Variants in TANK observed in about 807,000 individuals in gnomAD.
The protein encoded by TANK is TRAF family member-associated NF-kappa-B activator.
A neutral mutation model predicts 43.6 loss-of-function variants in TANK; 15 were observed. That is an observed-to-expected ratio of 0.34 (90% CI 0.23 to 0.53). The LOEUF is 0.53. TANK is among the 20% of genes least tolerant of loss of function. The probability of loss-of-function intolerance (pLI) is 0.94; values close to 1 mark genes in which losing one functional copy is unlikely to be tolerated. For missense variants in TANK, 417 were observed against 498.6 expected (o/e 0.84, Z 1.56); for synonymous variants, 162 against 178.2 (o/e 0.91, Z 0.73).
rs190097129 is a variant in TANK at position 161,220,925 on chromosome 2, C to G, written c.328-2990C>G. Among the ~76,000 whole-genome samples, 719 of 152,016 alleles carry G rather than the reference C, an allele frequency of 4.7e-3. 5 individuals are homozygous for G. The highest frequency in any genetic ancestry group is 4.4e-3 in the Non-Finnish European group (300 of 67,936). ...TGAAATATTAACCACTTTTTTTTCT[C>G]CTCCTTAAATATCACTGCATATTCA... On this transcript the variant is annotated intron_variant, in intron 4 of 7. Transcript: ENST00000392749.
intron 4 of TANK, among the ~76,000 whole-genome samples, chr2:161,217,214 C>T (rs1052112058): frequency 6.6e-6 from 1 of 152,154 alleles, no homozygotes; most frequent in Non-Finnish European, 1.5e-5. Context: ...AGGGGCAGCT[C>T]CAATCTCCAT....
At chr2:161,200,199 T>A (rs1686339080) in intron 2 of TANK, 1 of 196,574 alleles carries the variant, frequency 5.1e-6, no homozygotes, top group African/African-American at 2.4e-5. Context: ...TGTACAGAAG[T>A]GTTGACAAGA....
At chr2:161,214,848 T>C (rs1439891199) in intron 4 of TANK, among the ~76,000 whole-genome samples, 1 of 152,192 alleles carries the variant, frequency 6.6e-6, no homozygotes, top group Admixed American at 6.6e-5. Context: ...GAACATCTTA[T>C]TTTCATTGGT....
At chr2:161,168,332 G>C (rs1684786574) in intron 1 of TANK, among the ~76,000 whole-genome samples, 1 of 152,112 alleles carries the variant, frequency 6.6e-6, no homozygotes, top group African/African-American at 2.4e-5. Context: ...CCAGATAGTA[G>C]AAGTCCCAGA....
intron 2 of TANK, among the ~76,000 whole-genome samples, chr2:161,181,618 A>AG (rs1402952789): frequency 6.6e-6 from 1 of 152,094 alleles, no homozygotes; most frequent in South Asian, 2.1e-4. Flanking sequence ...GAGAGCAAGG[A>AG]GGGGGGGATG....
chr2:161,196,050 A>G (rs934835198), intron 2 of TANK, among the ~76,000 whole-genome samples: 3 of 152,110 alleles, frequency 2.0e-5, no homozygotes, highest in Admixed American at 6.6e-5. Flanking sequence ...ACGCTGCTGC[A>G]CTCCAGTGAG....
rs547437105 is a variant in TANK at position 161,172,333 on chromosome 2, T to A, written c.-49-7281T>A. On this transcript the variant is annotated intron_variant, in intron 1 of 7. Transcript: ENST00000392749. ...ATTGCTTTTCTCTATTGTTTTCTTT[T>A]CAAAAATGTAGTTTTTTTCGGCTTT... Among the ~76,000 whole-genome samples, 40 of 150,606 alleles carry A rather than the reference T, an allele frequency of 2.7e-4. 1 individual carries two copies. Among genetic ancestry groups the A allele is most frequent in the Non-Finnish European group, 3.8e-4 (26 of 67,770 alleles).
chr2:161,191,538 TATG>T (rs1385255858), intron 2 of TANK, among the ~76,000 whole-genome samples: 5 of 152,230 alleles, frequency 3.3e-5, no homozygotes, highest in African/African-American at 1.2e-4. Flanking sequence ...GTATAAATCT[TATG>T]AGGAAGTATT....
At chr2:161,166,812 A>C (rs543734308) in intron 1 of TANK, among the ~76,000 whole-genome samples, 6 of 151,968 alleles carry the variant, frequency 3.9e-5, no homozygotes, top group African/African-American at 7.3e-5. Flanking sequence ...AAAACAAAAA[A>C]CAAAACAAAA....
rs545243918 is a variant in TANK, at chr2:161,220,372, G to A, written c.328-3543G>A. Among the ~76,000 whole-genome samples the A allele has an allele frequency of 6.4e-4, 98 of 152,346 alleles. No homozygotes were observed. The Middle Eastern group carries it at 0.014, about 21-fold the overall frequency. On this transcript the variant is annotated intron_variant, in intron 4 of 7. Transcript: ENST00000392749. ...AATCCCAGCACTTTCGGAGGCCGAGGTGGGCAGATTGCCTGAGGTCAGGAG... is the reference window on the plus strand; with the variant it reads ...AATCCCAGCACTTTCGGAGGCCGAGATGGGCAGATTGCCTGAGGTCAGGAG...
At chr2:161,227,789 C>A (rs1687704913) in intron 6 of TANK, among the ~76,000 whole-genome samples, 1 of 152,166 alleles carries the variant, frequency 6.6e-6, no homozygotes, top group Non-Finnish European at 1.5e-5. Flanking sequence ...TTGCAAGTAG[C>A]AAATGTCATC....
intron 1 of TANK, among the ~76,000 whole-genome samples, chr2:161,168,075 A>G (rs1684772894): frequency 6.6e-6 from 1 of 152,178 alleles, no homozygotes; most frequent in Non-Finnish European, 1.5e-5. Context: ...AACGTATGGC[A>G]TTTTATGGCT....
At chr2:161,205,773 TTTG>T (rs926956564) in intron 4 of TANK, among the ~76,000 whole-genome samples, 5 of 152,038 alleles carry the variant, frequency 3.3e-5, no homozygotes, top group Non-Finnish European at 7.4e-5. Context: ...CTTTATGTAG[TTTG>T]TTGTTGTTGT....
chr2:161,216,543 A>G (rs868338886), intron 4 of TANK: 12 of 337,370 alleles, frequency 3.6e-5, no homozygotes, highest in Middle Eastern at 5.3e-4. Context: ...GACATGAAGA[A>G]TATACTAGGT....
At chr2:161,154,010 T>C (rs1374521640) in intron 1 of TANK, among the ~76,000 whole-genome samples, 1 of 152,226 alleles carries the variant, frequency 6.6e-6, no homozygotes, top group African/African-American at 2.4e-5. Flanking sequence ...CCTAGGACTC[T>C]GCCTAGTGAG....
chr2:161,212,063 CTT>C (rs11375138), intron 4 of TANK: 3,195 of 636,536 alleles, frequency 5.0e-3, no homozygotes, highest in Non-Finnish European at 5.7e-3. Context: ...AATACATAAA[CTT>C]TTTTTTTTTT....
intron 5 of TANK, 28 bp from the exon 6 acceptor site, chr2:161,224,603 A>AT: frequency 8.5e-7 from 1 of 1,182,178 alleles, no homozygotes; most frequent in Non-Finnish European, 1.2e-6. Flanking sequence ...ATAGCTTTAC[A>AT]TTTTAAAATG....
chr2:161,173,831 CT>C (rs1448124739), intron 1 of TANK, among the ~76,000 whole-genome samples: 1 of 152,036 alleles, frequency 6.6e-6, no homozygotes, highest in African/African-American at 2.4e-5. Context: ...CAGGATACAG[CT>C]CAGTTCCTCC....
intron 1 of TANK, among the ~76,000 whole-genome samples, chr2:161,172,138 T>C (rs187443972): frequency 6.6e-6 from 1 of 152,280 alleles, no homozygotes; most frequent in Admixed American, 6.5e-5. Flanking sequence ...ATTAATAGTC[T>C]TTTTACATAA....
Sources: allele counts gnomAD v4.1 joint callset (sites outside exome capture counted in the v4.1 genomes callset), GRCh38; gene constraint gnomAD v4.1.1; transcripts MANE v1.5; gene names NCBI Gene and HGNC (gene_info 2026-07-23, HGNC 2026-07-21).